The following BAZ2B variants were observed in gnomAD, a reference collection of about 807,000 sequenced individuals.
BAZ2B encodes bromodomain adjacent to zinc finger domain protein 2B.
A neutral mutation model predicts 246.0 loss-of-function variants in BAZ2B; 91 were observed. That is an observed-to-expected ratio of 0.37 (90% CI 0.31 to 0.44). The LOEUF (loss-of-function observed/expected upper bound fraction) is 0.44, where lower values mean the gene tolerates loss of function less well. Ranked by LOEUF, BAZ2B falls within the 20% of genes least tolerant of loss-of-function variation. The probability of loss-of-function intolerance (pLI) is 1.00; values close to 1 mark genes in which losing one functional copy is unlikely to be tolerated. For synonymous variants in BAZ2B, 855 were observed against 860.0 expected, an observed-to-expected ratio of 0.99 and a Z score of 0.10; for missense variants, 2,332 against 2,533.7, an observed-to-expected ratio of 0.92 and a Z score of 1.71.
At position 159,439,216 on chromosome 2, in the gene BAZ2B, G is replaced by A; in HGVS notation, c.697-4C>T. ...CCATTGCTTTCTTCCTTGGTTTCTG[G>A]ATAACGACAAGGTAGTTGGCAAGAC... On this transcript the variant is annotated splice_region_variant and splice_polypyrimidine_tract_variant and intron_variant, in intron 6 of 36. Coordinates refer to ENST00000392783, the MANE Select transcript of BAZ2B (RefSeq NM_013450.4). 1 of 1,611,454 alleles carries A rather than the reference G, an allele frequency of 6.2e-7. No homozygotes were observed. The highest frequency in any genetic ancestry group is 8.5e-7 in the Non-Finnish European group (1 of 1,178,446).
At chr2:159,426,919 T>C (rs2070033207) in intron 13 of BAZ2B, among the ~76,000 whole-genome samples, 1 of 152,126 alleles carries the variant, frequency 6.6e-6, no homozygotes, top group African/African-American at 2.4e-5. Context: ...CAAAAAACTT[T>C]TCTATGCATT....
At chr2:159,678,709 G>A in the BAZ2B span, among the ~76,000 whole-genome samples, 9 of 152,090 alleles carry the variant, frequency 5.9e-5, no homozygotes. Context: ...TGGTGGGGGA[G>A]GCAAATAGTT....
intron 2 of BAZ2B, among the ~76,000 whole-genome samples, chr2:159,519,210 C>CCTTTTT (rs2083779008): frequency 1.7e-5 from 1 of 57,770 alleles, no homozygotes; most frequent in Non-Finnish European, 3.4e-5. Flanking sequence ...ATTCTATTTT[C>CCTTTTT]TTTTTTTTTT....
chr2:159,662,653 T>A, the BAZ2B span, among the ~76,000 whole-genome samples: 250 of 151,960 alleles, frequency 1.6e-3, no homozygotes, highest in Non-Finnish European at 2.4e-3. Flanking sequence ...GCCTCCCGAG[T>A]AGCTGAGATT....
At chr2:159,386,841 T>G (rs2062707676) in intron 21 of BAZ2B, among the ~76,000 whole-genome samples, 1 of 152,110 alleles carries the variant, frequency 6.6e-6, no homozygotes, top group African/African-American at 2.4e-5. Context: ...AAATTTTGGT[T>G]GAACTCAATT....
chr2:159,378,007 G>C (rs1265437601), intron 25 of BAZ2B, among the ~76,000 whole-genome samples: 1 of 151,986 alleles, frequency 6.6e-6, no homozygotes, highest in Admixed American at 6.6e-5. Flanking sequence ...ACTATACAGG[G>C]GAATAAACTA....
intron 1 of BAZ2B, among the ~76,000 whole-genome samples, chr2:159,599,483 T>C (rs1691559049): frequency 6.6e-6 from 1 of 151,656 alleles, no homozygotes; most frequent in African/African-American, 2.4e-5. Flanking sequence ...CCAGGTGTGG[T>C]GGTGCATGCC....
At chr2:159,423,171 C>T (rs1350230801) in intron 13 of BAZ2B, among the ~76,000 whole-genome samples, 1 of 152,010 alleles carries the variant, frequency 6.6e-6, no homozygotes, top group African/African-American at 2.4e-5. Context: ...AAAAAATTAG[C>T]TGGGCGCGGT....
chr2:159,670,846 T>C, the BAZ2B span: 1 of 152,238 alleles, frequency 6.6e-6, no homozygotes, highest in African/African-American at 2.4e-5. Flanking sequence ...TTCCCATTTG[T>C]AAAATTGTCT....
intron 2 of BAZ2B, among the ~76,000 whole-genome samples, chr2:159,532,839 C>T (rs1018770597): frequency 6.6e-6 from 1 of 151,988 alleles, no homozygotes; most frequent in African/African-American, 2.4e-5. Flanking sequence ...ATGGCCAGTA[C>T]GGAGAAGGAA....
Position 159,487,111 on chromosome 2 carries a change from G to A in BAZ2B, c.-2-8390C>T, listed in dbSNP as rs117352021. ...TTTTTCTGCTTGAATGTTTTACCAT[G>A]TGATTGTATTAATGACAGTTAAGTC... On this transcript the variant is annotated intron_variant, in intron 2 of 36. Coordinates refer to ENST00000392783, the MANE Select transcript of BAZ2B (RefSeq NM_013450.4). Among the ~76,000 whole-genome samples, 179 of 152,268 alleles carry A rather than the reference G, an allele frequency of 1.2e-3. 6 individuals carry two copies. The East Asian group carries it at 0.024, about 21-fold the overall frequency.
intron 6 of BAZ2B, among the ~76,000 whole-genome samples, chr2:159,439,456 T>A (rs925121568): frequency 7.2e-5 from 11 of 152,152 alleles, no homozygotes; most frequent in African/African-American, 2.7e-4. Context: ...ATATAGCATA[T>A]GTGTAGATGT....
chr2:159,636,139 C>T, the BAZ2B span, among the ~76,000 whole-genome samples: 5 of 152,286 alleles, frequency 3.3e-5, no homozygotes, highest in Middle Eastern at 3.4e-3. Flanking sequence ...CTACACTGCT[C>T]GACCCCCAAA....
intron 2 of BAZ2B, among the ~76,000 whole-genome samples, chr2:159,507,510 A>G (rs2082455710): frequency 6.6e-6 from 1 of 152,198 alleles, no homozygotes; most frequent in Non-Finnish European, 1.5e-5. Flanking sequence ...CACATATACT[A>G]GAGGTCCAGA....
At chr2:159,606,925 T>TC in intron 1 of BAZ2B, among the ~76,000 whole-genome samples, 1 of 150,284 alleles carries the variant, frequency 6.7e-6, no homozygotes, top group African/African-American at 2.4e-5. Flanking sequence ...GATTTCTATT[T>TC]TTTTTTTTTT....
intron 17 of BAZ2B, among the ~76,000 whole-genome samples, chr2:159,399,339 T>A (rs1250524059): frequency 6.6e-6 from 1 of 152,120 alleles, no homozygotes; most frequent in Non-Finnish European, 1.5e-5. Flanking sequence ...TATTTGAGAA[T>A]GAACCTGTTT....
intron 2 of BAZ2B, among the ~76,000 whole-genome samples, chr2:159,534,969 A>G (rs913711211): frequency 1.3e-5 from 2 of 152,186 alleles, no homozygotes; most frequent in African/African-American, 4.8e-5. Flanking sequence ...ACAAACGTAA[A>G]AAAGGGAAAA....
chr2:159,675,986 C>T, the BAZ2B span, among the ~76,000 whole-genome samples: 2 of 152,194 alleles, frequency 1.3e-5, no homozygotes, highest in African/African-American at 4.8e-5. Context: ...ACCTCCACCC[C>T]CCAGGTTCAG....
intron 1 of BAZ2B, among the ~76,000 whole-genome samples, chr2:159,569,443 G>T (rs1236407661): frequency 6.6e-6 from 1 of 152,074 alleles, no homozygotes; most frequent in African/African-American, 2.4e-5. Context: ...CAAATTTAAT[G>T]CTAAACTTCT....
Sources: allele counts gnomAD v4.1 joint callset (sites outside exome capture counted in the v4.1 genomes callset), GRCh38; gene constraint gnomAD v4.1.1; transcripts MANE v1.5; gene names NCBI Gene and HGNC (gene_info 2026-07-23, HGNC 2026-07-21).